BAALC: variants seen among roughly 807,000 people sequenced by gnomAD.
The protein encoded by BAALC is brain and acute leukemia cytoplasmic protein.
In BAALC, 9 loss-of-function variants were observed where a neutral mutation model predicts 15.5. The observed-to-expected ratio is 0.58, with a 90% CI of 0.35 to 1.02. BAALC has a LOEUF of 1.02. Ranked by LOEUF, BAALC falls within the 50% of genes least tolerant of loss-of-function variation. BAALC has a pLI of 0.02. For synonymous variants in BAALC, 80 were observed against 74.6 expected, an observed-to-expected ratio of 1.07 and a Z score of -0.37; for missense variants, 201 against 192.4, an observed-to-expected ratio of 1.04 and a Z score of -0.27.
chr8:103,167,074 A>G (rs1331066094), intron 1 of BAALC, among the ~76,000 whole-genome samples: 2 of 152,162 alleles, frequency 1.3e-5, no homozygotes, highest in East Asian at 3.8e-4. Flanking sequence ...ATGAGTATTT[A>G]TTTATTTTGC....
chr8:103,192,933 C>T (rs1325558209), intron 1 of BAALC, among the ~76,000 whole-genome samples: 1 of 152,212 alleles, frequency 6.6e-6, no homozygotes, highest in South Asian at 2.1e-4. Flanking sequence ...CCACCAGGGA[C>T]AAGGAATGAG....
At chr8:103,199,973 G>A (rs1812177921) in intron 1 of BAALC, among the ~76,000 whole-genome samples, 1 of 152,126 alleles carries the variant, frequency 6.6e-6, no homozygotes, top group Non-Finnish European at 1.5e-5. Context: ...CCATGTTACT[G>A]CAAAGGACAT....
intron 1 of BAALC, among the ~76,000 whole-genome samples, chr8:103,159,507 A>G (rs911996557): frequency 1.3e-5 from 2 of 152,118 alleles, no homozygotes; most frequent in Admixed American, 6.6e-5. Context: ...TTTCTCCCCT[A>G]GTATCCTCCA....
chr8:103,151,941 C>T (rs1810996065), intron 1 of BAALC, among the ~76,000 whole-genome samples: 1 of 152,102 alleles, frequency 6.6e-6, no homozygotes, highest in African/African-American at 2.4e-5. Context: ...ATACGGGAAC[C>T]TCACAGGCAG....
chr8:103,206,643 T>G (rs1036088575), intron 1 of BAALC, among the ~76,000 whole-genome samples: 6 of 151,974 alleles, frequency 3.9e-5, no homozygotes, highest in African/African-American at 1.5e-4. Flanking sequence ...AGAGTGAGAC[T>G]GGAGGGGCAG....
chr8:103,171,386 G>GAGGA (rs1359038501), intron 1 of BAALC, among the ~76,000 whole-genome samples: 2 of 40,734 alleles, frequency 4.9e-5, no homozygotes, highest in African/African-American at 1.6e-4. Context: ...AAAGGCAAGA[G>GAGGA]AGGAAGGAAG....
chr8:103,178,181 T>C (rs1426241663), intron 1 of BAALC, among the ~76,000 whole-genome samples: 3 of 152,208 alleles, frequency 2.0e-5, no homozygotes, highest in African/African-American at 4.8e-5. Flanking sequence ...TGAGCAGGTA[T>C]CACTATCTTT....
chr8:103,147,873 G>A (rs977145915), intron 1 of BAALC, among the ~76,000 whole-genome samples: 5 of 152,256 alleles, frequency 3.3e-5, no homozygotes, highest in Middle Eastern at 3.4e-3. Flanking sequence ...AGACTCGAGG[G>A]GTTTACCCTG....
chr8:103,141,886 A>T (rs1810786530), intron 1 of BAALC, among the ~76,000 whole-genome samples: 1 of 152,168 alleles, frequency 6.6e-6, no homozygotes, highest in African/African-American at 2.4e-5. Context: ...ATTTTATTTT[A>T]TTTTTTTATT....
chr8:103,228,238 G>T lies in BAALC; in HGVS notation c.*139G>T. The T allele has an allele frequency of 1.6e-6, 1 of 621,022 alleles. No individual in the cohort carries two copies. Among genetic ancestry groups the T allele is most frequent in the South Asian group, 2.1e-5 (1 of 48,186 alleles). The allele number at this position is 621,022 out of a possible 1,614,324, so 38.5% of individuals were successfully genotyped here. A position where few individuals can be genotyped will look rare whatever the true frequency, so the allele number is the denominator to read the frequency against. On this transcript the variant is annotated 3_prime_UTR_variant, in exon 3 of 3. Transcript: ENST00000309982. The stretch of plus-strand genomic sequence containing the variant: ...AGTCCCTGGCAAGACTGTCTTACCT[G>T]GCAGCAAACTGCTGCCTGATTTGTT...
At chr8:103,163,917 G>C (rs1422173035) in intron 1 of BAALC, among the ~76,000 whole-genome samples, 1 of 152,172 alleles carries the variant, frequency 6.6e-6, no homozygotes, top group Non-Finnish European at 1.5e-5. Flanking sequence ...TGGGGCTGGA[G>C]CAGTGGACAA....
At chr8:103,178,756 C>T (rs1811658948) in intron 1 of BAALC, among the ~76,000 whole-genome samples, 1 of 151,178 alleles carries the variant, frequency 6.6e-6, no homozygotes, top group African/African-American at 2.4e-5. Flanking sequence ...ACTCAGGAGG[C>T]TGAGGCAAGA....
At chr8:103,181,883 A>T (rs1363168926) in intron 1 of BAALC, among the ~76,000 whole-genome samples, 2 of 152,230 alleles carry the variant, frequency 1.3e-5, no homozygotes, top group East Asian at 3.8e-4. Flanking sequence ...CTCCAAATCC[A>T]TGTTATAGAA....
At chr8:103,191,275 A>C (rs1156787825) in intron 1 of BAALC, 1 of 152,052 alleles carries the variant, frequency 6.6e-6, no homozygotes. Flanking sequence ...ACCACTTCTT[A>C]GGCTGACCAC....
chr8:103,211,797 T>C (rs1323120570), intron 1 of BAALC, among the ~76,000 whole-genome samples: 1 of 152,236 alleles, frequency 6.6e-6, no homozygotes, highest in East Asian at 1.9e-4. Context: ...CTCCAGCTCC[T>C]GAGAGCACTG....
At chr8:103,168,130 A>G (rs1811389714) in intron 1 of BAALC, among the ~76,000 whole-genome samples, 1 of 152,184 alleles carries the variant, frequency 6.6e-6, no homozygotes, top group South Asian at 2.1e-4. Flanking sequence ...CATGAATAAA[A>G]TTTAGACAAA....
chr8:103,192,272 G>A (rs979363198), intron 1 of BAALC, among the ~76,000 whole-genome samples: 1 of 152,086 alleles, frequency 6.6e-6, no homozygotes, highest in African/African-American at 2.4e-5. Context: ...AGCTGGTCTC[G>A]AACTCTCGAC....
At chr8:103,183,966 C>A (rs1586409525) in intron 1 of BAALC, among the ~76,000 whole-genome samples, 1 of 152,164 alleles carries the variant, frequency 6.6e-6, no homozygotes, top group East Asian at 1.9e-4. Context: ...AGGTTAGAAG[C>A]CTGATATGTT....
chr8:103,196,766 G>A (rs1812107611), intron 1 of BAALC, among the ~76,000 whole-genome samples: 1 of 152,196 alleles, frequency 6.6e-6, no homozygotes, highest in South Asian at 2.1e-4. Flanking sequence ...AATCCTCCCT[G>A]GAGCAGAGAT....
Sources: gnomAD v4.1 joint callset for allele counts (sites outside exome capture counted in the v4.1 genomes callset) on GRCh38, gnomAD v4.1.1 for gene constraint, MANE v1.5 for transcripts, NCBI Gene and HGNC (gene_info 2026-07-23, HGNC 2026-07-21) for gene names.